Variants in DNAH8 observed in about 807,000 individuals in gnomAD.
The protein encoded by DNAH8 is axonemal beta dynein heavy chain 8.
DNAH8 carries 382 observed loss-of-function variants against 562.1 expected under a neutral mutation model. That is an observed-to-expected ratio of 0.68 (90% CI 0.63 to 0.74). DNAH8 has a LOEUF of 0.74. Ranked by LOEUF, DNAH8 falls within the 30% of genes least tolerant of loss-of-function variation. DNAH8 has a pLI of 0.00. For missense variants in DNAH8, 5,203 were observed against 5,620.4 expected, an observed-to-expected ratio of 0.93 and a Z score of 2.37; for synonymous variants, 1,881 against 1,919.4, an observed-to-expected ratio of 0.98 and a Z score of 0.52.
In DNAH8 at chr6:38,733,417, A is replaced by G. The variant is rs79274515; in HGVS notation, c.611-1057A>G. ...TACAATGAGTGTATTTGGTACAGGAACTGGACCTTCTTGGGGGAGTCAGTG... is the reference window on the plus strand; with the variant it reads ...TACAATGAGTGTATTTGGTACAGGAGCTGGACCTTCTTGGGGGAGTCAGTG... On this transcript the variant is annotated intron_variant, in intron 4 of 92. Transcript: ENST00000327475. Among the ~76,000 whole-genome samples, 1,176 of 152,306 alleles carry G rather than the reference A, an allele frequency of 7.7e-3. 14 individuals carry two copies. The highest frequency in any genetic ancestry group is 0.026 in the African/African-American group (1,083 of 41,564).
intron 85 of DNAH8, among the ~76,000 whole-genome samples, chr6:38,979,713 A>G (rs574549521): frequency 4.6e-5 from 7 of 152,350 alleles, no homozygotes; most frequent in Non-Finnish European, 1.0e-4. Context: ...CAAAACTCAC[A>G]TTTTAAAGAA....
intron 58 of DNAH8, among the ~76,000 whole-genome samples, chr6:38,893,248 T>C (rs888299845): frequency 1.1e-4 from 17 of 152,202 alleles, no homozygotes; most frequent in Admixed American, 3.9e-4. Flanking sequence ...TCTCCCATCT[T>C]CACAAAGCAC....
rs148424716 is a variant in DNAH8 at position 38,724,999 on chromosome 6, C to CGT, written c.525+1530_525+1531dup. 4.9e-3 allele frequency among the ~76,000 whole-genome samples: 748 copies of CGT among 151,960 alleles called. 4 individuals are homozygous for CGT. Among genetic ancestry groups the CGT allele is most frequent in the African/African-American group, 0.017 (714 of 41,452 alleles). ...TCTAGGAGCCAGGGTTCTATGGAAC[C>CGT]GTGCCTAAAAGAGCTACTCCCGGCC... is the stretch of plus-strand genomic sequence containing the variant. On this transcript the variant is annotated intron_variant, in intron 3 of 92. Transcript: ENST00000327475.
chr6:38,804,628 C>T (rs959296332), intron 22 of DNAH8, among the ~76,000 whole-genome samples: 2 of 152,172 alleles, frequency 1.3e-5, no homozygotes, highest in East Asian at 1.9e-4. Flanking sequence ...AGAGATGGCA[C>T]TGCCTTACAG....
Position 39,008,813 on chromosome 6 carries a change from G to A in DNAH8, c.13215-1G>A. ...TCTGAACAGCTCACTCTTTTTACTA[G>A]GTATCAGAGTAACACTGCTTCTGCT... On this transcript the variant is annotated splice_acceptor_variant, in intron 88 of 92. Coordinates refer to ENST00000327475, the MANE Select transcript of DNAH8 (RefSeq NM_001206927.2). LOFTEE classifies it high-confidence loss of function. 1 of 1,586,088 alleles carries A rather than the reference G, an allele frequency of 6.3e-7. No individual in the cohort carries two copies. Among genetic ancestry groups the A allele is most frequent in the African/African-American group, 1.4e-5 (1 of 73,842 alleles).
At position 38,734,337 on chromosome 6, in the gene DNAH8, A is replaced by C. The variant is rs28685871; in HGVS notation, c.611-137A>C. 130 of 688,512 alleles carry C rather than the reference A, an allele frequency of 1.9e-4. 2 individuals carry two copies. In the African/African-American group the frequency reaches 2.3e-3, roughly 12 times the overall value. The allele number at this position is 688,512 out of a possible 1,614,324, so 42.7% of individuals were successfully genotyped here. On this transcript the variant is annotated intron_variant, in intron 4 of 92. Coordinates refer to ENST00000327475, the MANE Select transcript of DNAH8 (RefSeq NM_001206927.2). ...GCATCTTCTAGTAGACCCCCCCCCA[A>C]AAAAATTATTCTATGACCGTATTGA...
In DNAH8 at chr6:38,866,889, A is replaced by T; in HGVS notation, c.6693+13A>T. 6.6e-7 allele frequency: 1 copy of T among 1,509,490 alleles called. No individual in the cohort carries two copies. The highest frequency in any genetic ancestry group is 1.7e-5 in the Admixed American group (1 of 58,686). 93.5% of individuals were successfully genotyped at this position (1,509,490 alleles called of 1,614,324 possible). A position where few individuals can be genotyped will look rare whatever the true frequency, so the allele number is the denominator to read the frequency against. ...ACTTACTAAACAGGTAACTTTATAG[A>T]TCTGCTTTCCTCCTAGCAATAGTAT... On this transcript the variant is annotated intron_variant, in intron 47 of 92. Coordinates refer to ENST00000327475, the MANE Select transcript of DNAH8 (RefSeq NM_001206927.2).
intron 22 of DNAH8, among the ~76,000 whole-genome samples, 153 bp from the exon 23 acceptor site, chr6:38,805,328 C>A (rs1562847285): frequency 6.6e-6 from 1 of 151,992 alleles, no homozygotes; most frequent in Non-Finnish European, 1.5e-5. Context: ...AGGATGACTC[C>A]TAGAGGAACA....
At chr6:38,734,058 C>T (rs1360734070) in intron 4 of DNAH8, among the ~76,000 whole-genome samples, 1 of 151,416 alleles carries the variant, frequency 6.6e-6, no homozygotes, top group Non-Finnish European at 1.5e-5. Context: ...CTGAGGTGGG[C>T]AGATCACCTG....
intron 18 of DNAH8, among the ~76,000 whole-genome samples, chr6:38,787,982 G>T (rs1174262570): frequency 6.6e-6 from 1 of 152,054 alleles, no homozygotes; most frequent in Non-Finnish European, 1.5e-5. Flanking sequence ...AATAGCAAAA[G>T]ACTGGAGTCT....
chr6:38,814,886 C>A (rs1163509277), intron 25 of DNAH8, among the ~76,000 whole-genome samples: 1 of 152,144 alleles, frequency 6.6e-6, no homozygotes, highest in Non-Finnish European at 1.5e-5. Flanking sequence ...ACTACCCCAG[C>A]TGCTGATGGG....
At chr6:39,005,959 GCAAA>G (rs1765775252) in intron 88 of DNAH8, among the ~76,000 whole-genome samples, 1 of 152,246 alleles carries the variant, frequency 6.6e-6, no homozygotes, top group Non-Finnish European at 1.5e-5. Flanking sequence ...TACTGGCTTT[GCAAA>G]TATAGAAAGT....
chr6:38,766,993 T>A (rs1767067725), intron 11 of DNAH8, among the ~76,000 whole-genome samples: 1 of 152,202 alleles, frequency 6.6e-6, no homozygotes, highest in Non-Finnish European at 1.5e-5. Context: ...TAAAAATTTT[T>A]AATTATGATA....
chr6:38,850,860 T>C (rs1055635782), intron 38 of DNAH8, among the ~76,000 whole-genome samples: 4 of 152,164 alleles, frequency 2.6e-5, no homozygotes, highest in African/African-American at 9.7e-5. Flanking sequence ...GTGTCTCTTA[T>C]GACGACATTT....
intron 8 of DNAH8, among the ~76,000 whole-genome samples, chr6:38,742,591 C>T (rs1257010833): frequency 3.9e-5 from 6 of 152,080 alleles, no homozygotes; most frequent in South Asian, 2.1e-4. Context: ...CGTGAGCAAC[C>T]GCACCTGGCT....
rs138219280 is a variant in DNAH8 at position 38,857,751 on chromosome 6, T to C, written c.5958+9T>C. 134 of 1,559,068 alleles carry C rather than the reference T, an allele frequency of 8.6e-5. No individual in the cohort carries two copies. The African/African-American group carries it at 1.2e-3, about 14-fold the overall frequency. Reference sequence around the variant, plus strand: ...ATATTTTTGATGACTTGGTAAGGTATCTTTTTTTTTAATTTAGTGTACTAA... The same window carrying C: ...ATATTTTTGATGACTTGGTAAGGTACCTTTTTTTTTAATTTAGTGTACTAA... On this transcript the variant is annotated intron_variant, in intron 42 of 92. Transcript: ENST00000327475.
intron 11 of DNAH8, among the ~76,000 whole-genome samples, chr6:38,768,314 G>A (rs1767219747): frequency 6.6e-6 from 1 of 151,996 alleles, no homozygotes; most frequent in African/African-American, 2.4e-5. Flanking sequence ...TGTCACCCAG[G>A]CTGGAGTGCA....
rs1391447346 is a variant in DNAH8, at chr6:38,845,701, G to T, written c.4973G>T (p.Gly1658Val). ...GGAAAAGGAGAGCTCCTGCTCAAAG[G>T]AACCGAATCGGGAGAAATTATCACT... ...FKGKGELLLK[G>V]TESGEIITLM... The change falls in exon 36 of 93, where the codon GGA (glycine) becomes GTA (valine). Residue 1658 changes from glycine (G) to valine (V), a missense_variant. By Grantham distance (109) the Gly-to-Val change is moderately radical (BLOSUM62 -3). Coordinates refer to ENST00000327475, the MANE Select transcript of DNAH8 (RefSeq NM_001206927.2). 5 of 1,613,854 alleles carry T rather than the reference G, an allele frequency of 3.1e-6. No individual in the cohort carries two copies. The highest frequency in any genetic ancestry group is 4.2e-6 in the Non-Finnish European group (5 of 1,179,890).
chr6:38,883,363 C>G lies in DNAH8; in HGVS notation c.8043C>G (p.Val2681=), dbSNP rs572161820. The G allele has an allele frequency of 6.2e-7, 1 of 1,612,850 alleles. No homozygotes were observed. Among genetic ancestry groups the G allele is most frequent in the South Asian group, 1.1e-5 (1 of 90,806 alleles). ...LTGEQGTAKT[V]MVKAYLKKYD... ...GAGAGCAGGGAACTGCAAAAACTGTCATGGTTAAGGCCTATTTGAAAAAAT... is the reference window on the plus strand; with the variant it reads ...GAGAGCAGGGAACTGCAAAAACTGTGATGGTTAAGGCCTATTTGAAAAAAT... The change falls in exon 55 of 93, where the codon GTC becomes GTG. Residue 2681 remains valine (V), a synonymous_variant. Coordinates refer to ENST00000327475, the MANE Select transcript of DNAH8 (RefSeq NM_001206927.2).
Sources: gnomAD v4.1 joint callset for allele counts (sites outside exome capture counted in the v4.1 genomes callset) on GRCh38, gnomAD v4.1.1 for gene constraint, MANE v1.5 for transcripts, NCBI Gene and HGNC (gene_info 2026-07-23, HGNC 2026-07-21) for gene names.